The following HIP1 variants were observed in gnomAD, a reference collection of about 807,000 sequenced individuals.
HIP1 encodes huntingtin interacting protein 1, also known as huntingtin-interacting protein 1.
In HIP1, 65 loss-of-function variants were observed where a neutral mutation model predicts 147.6. That is an observed-to-expected ratio of 0.44 (90% CI 0.36 to 0.54). The LOEUF is 0.54. Ranked by LOEUF, HIP1 falls within the 20% of genes least tolerant of loss-of-function variation. The pLI is 0.00. For missense variants in HIP1, 1,061 were observed against 1,299.6 expected (o/e 0.82, Z 2.82); for synonymous variants, 479 against 504.0 (o/e 0.95, Z 0.67).
chr7:75,690,232 T>C (rs955800518), intron 1 of HIP1, among the ~76,000 whole-genome samples: 3 of 151,584 alleles, frequency 2.0e-5, no homozygotes, highest in Non-Finnish European at 4.4e-5. Context: ...GGGGTGGTGA[T>C]TGCACCACTG....
intron 9 of HIP1, among the ~76,000 whole-genome samples, chr7:75,567,314 A>G (rs1186131402): frequency 6.6e-6 from 1 of 151,280 alleles, no homozygotes; most frequent in Non-Finnish European, 1.5e-5. Context: ...TATAAATGCT[A>G]TAAGACCAGA....
At chr7:75,727,761 G>T (rs782062711) in intron 1 of HIP1, among the ~76,000 whole-genome samples, 1 of 151,002 alleles carries the variant, frequency 6.6e-6, no homozygotes, top group Non-Finnish European at 1.5e-5. Flanking sequence ...CAGGAGAATT[G>T]CTTGAATCCA....
At position 75,586,795 on chromosome 7, in the gene HIP1, G is replaced by A. The variant is rs782431873; in HGVS notation, c.423C>T (p.Ile141=). 1.2e-6 allele frequency: 2 copies of A among 1,613,752 alleles called. No homozygotes were observed. The highest frequency in any genetic ancestry group is 2.2e-5 in the South Asian group (2 of 91,054). ...TCTTGGTTCTTAGCAGTTTCAGGTAGATGCTGCACAGCTGGCCATACCCCT... is the reference window on the plus strand; with the variant it reads ...TCTTGGTTCTTAGCAGTTTCAGGTAAATGCTGCACAGCTGGCCATACCCCT... ...LSEGYGQLCS[I]YLKLLRTKME... Residue 141 remains isoleucine, a synonymous_variant, in exon 5 of 31, where the codon ATC becomes ATT. Transcript: ENST00000336926.
chr7:75,703,428 G>A (rs1238231344), intron 1 of HIP1, among the ~76,000 whole-genome samples: 10 of 152,132 alleles, frequency 6.6e-5, no homozygotes, highest in African/African-American at 1.9e-4. Flanking sequence ...CAGATCACCC[G>A]AGGTCGGGAG....
intron 18 of HIP1, 118 bp downstream of exon 18, chr7:75,555,907 CA>C: frequency 8.1e-7 from 1 of 1,231,680 alleles, no homozygotes; most frequent in East Asian, 2.3e-5. Context: ...TCTGCACAAT[CA>C]GGCCAAGGCC....
At chr7:75,702,862 C>T (rs1413514895) in intron 1 of HIP1, among the ~76,000 whole-genome samples, 1 of 151,904 alleles carries the variant, frequency 6.6e-6, no homozygotes, top group Non-Finnish European at 1.5e-5. Flanking sequence ...AACAACAACT[C>T]ACTCATCCCC....
intron 3 of HIP1, 81 bp downstream of exon 3, chr7:75,592,291 C>A: frequency 1.3e-6 from 2 of 1,511,560 alleles, no homozygotes; most frequent in Admixed American, 1.9e-5. Flanking sequence ...TGGGAGAGGA[C>A]AGCAGCCTCT....
chr7:75,552,877 T>A (rs74612289), intron 22 of HIP1, among the ~76,000 whole-genome samples: 17 of 151,946 alleles, frequency 1.1e-4, no homozygotes, highest in African/African-American at 2.7e-4. Flanking sequence ...TTTTTTTTTT[T>A]AATTTTTAAA....
intron 11 of HIP1, 150 bp from the exon 12 acceptor site, chr7:75,562,320 C>T (rs587671793): frequency 4.3e-5 from 26 of 603,354 alleles, no homozygotes; most frequent in Admixed American, 2.1e-4. Context: ...GACAGGTTCT[C>T]GCTCTACTGC....
chr7:75,559,473 C>T (rs1384281318), intron 14 of HIP1, among the ~76,000 whole-genome samples: 3 of 152,156 alleles, frequency 2.0e-5, no homozygotes, highest in African/African-American at 7.2e-5. Flanking sequence ...CCTTAGTATC[C>T]ACTGCCCAGG....
intron 1 of HIP1, among the ~76,000 whole-genome samples, chr7:75,632,159 G>A (rs1404880351): frequency 7.2e-5 from 11 of 152,208 alleles, no homozygotes; most frequent in Middle Eastern, 3.4e-3. Context: ...ATGCGTGGTC[G>A]CCCTTGGTGC....
chr7:75,700,058 C>T (rs1584960928), intron 1 of HIP1, among the ~76,000 whole-genome samples: 1 of 152,150 alleles, frequency 6.6e-6, no homozygotes, highest in East Asian at 1.9e-4. Context: ...GCCATGCTGG[C>T]CAGGCTGGTC....
At chr7:75,689,228 G>A (rs1408642129) in intron 1 of HIP1, among the ~76,000 whole-genome samples, 1 of 151,606 alleles carries the variant, frequency 6.6e-6, no homozygotes, top group Non-Finnish European at 1.5e-5. Flanking sequence ...AAAATAGGCC[G>A]GGCACGGTGG....
intron 1 of HIP1, among the ~76,000 whole-genome samples, chr7:75,622,865 C>T (rs1166321593): frequency 8.8e-6 from 1 of 113,008 alleles, no homozygotes; most frequent in Non-Finnish European, 1.7e-5. Flanking sequence ...ATCTATCTAT[C>T]TATCTATCTA....
rs544773587 is a variant in HIP1, at chr7:75,724,871, G to A, written c.120+13930C>T. Among the ~76,000 whole-genome samples the A allele has an allele frequency of 2.6e-5, 4 of 152,294 alleles. No individual in the cohort carries two copies. The East Asian group carries it at 5.8e-4, about 22-fold the overall frequency. ...GGAAGATGCTGCTTGCAGATGCGTG[G>A]TTCATAAATCAAACGCTCCCCAATT... On this transcript the variant is annotated intron_variant, in intron 1 of 30. Transcript: ENST00000336926.
intron 1 of HIP1, among the ~76,000 whole-genome samples, chr7:75,656,154 G>T (rs1296751851): frequency 6.6e-6 from 1 of 151,808 alleles, no homozygotes; most frequent in Non-Finnish European, 1.5e-5. Context: ...GGTGACAATG[G>T]CAAACTTTAT....
intron 23 of HIP1, 59 bp from the exon 24 acceptor site, chr7:75,547,872 C>G: frequency 6.9e-7 from 1 of 1,442,524 alleles, no homozygotes; most frequent in Non-Finnish European, 9.8e-7. Flanking sequence ...CCACTAATGT[C>G]TTACTATACT....
intron 1 of HIP1, among the ~76,000 whole-genome samples, chr7:75,724,835 C>T (rs1801603648): frequency 6.6e-6 from 1 of 152,214 alleles, no homozygotes; most frequent in African/African-American, 2.4e-5. Context: ...CTGCAAGTTA[C>T]AGCAGCTCTA....
chr7:75,622,180 G>A (rs1436269790), intron 1 of HIP1, among the ~76,000 whole-genome samples: 1 of 152,036 alleles, frequency 6.6e-6, no homozygotes, highest in Non-Finnish European at 1.5e-5. Context: ...GGGAGGCTAA[G>A]GCAGAAGAAT....
Sources: allele counts gnomAD v4.1 joint callset (sites outside exome capture counted in the v4.1 genomes callset), GRCh38; gene constraint gnomAD v4.1.1; transcripts MANE v1.5; gene names NCBI Gene and HGNC (gene_info 2026-07-23, HGNC 2026-07-21).